DNAH11: variants seen among roughly 807,000 people sequenced by gnomAD.
DNAH11 encodes the protein axonemal beta dynein heavy chain 11.
DNAH11 carries 442 observed loss-of-function variants against 526.0 expected under a neutral mutation model. That is an observed-to-expected ratio of 0.84 (90% CI 0.78 to 0.91). The LOEUF (loss-of-function observed/expected upper bound fraction) is 0.91. DNAH11 is among the 40% of genes least tolerant of loss of function. The pLI is 0.00. For synonymous variants in DNAH11, 2,461 were observed against 1,935.9 expected, an observed-to-expected ratio of 1.27 and a Z score of -7.12; for missense variants, 6,989 against 5,448.7, an observed-to-expected ratio of 1.28 and a Z score of -8.90.
At chr7:21,566,417 A>G (rs1783668337) in intron 6 of DNAH11, among the ~76,000 whole-genome samples, 1 of 152,308 alleles carries the variant, frequency 6.6e-6, no homozygotes, top group East Asian at 1.9e-4. Flanking sequence ...GCCAATGTCC[A>G]TAGCTGGTTC....
In DNAH11 at chr7:21,861,998, C is replaced by A. The variant is rs749689222; in HGVS notation, c.11348C>A (p.Thr3783Asn). 1 of 1,612,882 alleles carries A rather than the reference C, an allele frequency of 6.2e-7. No individual in the cohort carries two copies. Among genetic ancestry groups the A allele is most frequent in the Non-Finnish European group, 8.5e-7 (1 of 1,179,444 alleles). The change falls in exon 69 of 82, where the codon ACC (threonine) becomes AAC (asparagine). Residue 3783 changes from threonine to asparagine, a missense_variant. Thr to Asn is a moderately conservative substitution (Grantham distance 65). Coordinates refer to ENST00000409508, the MANE Select transcript of DNAH11 (RefSeq NM_001277115.2). ...SQALFEKDKL[T>N]FLSQMAFQIL... ...GCGCTGTTTGAGAAGGACAAGCTCA[C>A]CTTCCTGTCCCAGATGGCTTTTCAG...
In DNAH11 at chr7:21,625,103, G is replaced by A. The variant is rs77653884; in HGVS notation, c.4500+5025G>A. On this transcript the variant is annotated intron_variant, in intron 25 of 81. Transcript: ENST00000409508. ...AAGTTTTTTTGGAAGAGTTTGAGAA[G>A]GGTTAGTATTAGTTCTTCTTTAAAT... Among the ~76,000 whole-genome samples the A allele has an allele frequency of 2.8e-3, 424 of 152,152 alleles. 1 individual carries two copies. Among genetic ancestry groups the A allele is most frequent in the Middle Eastern group, 6.8e-3 (2 of 292 alleles).
chr7:21,833,367 G>T (rs1369278676), intron 65 of DNAH11, among the ~76,000 whole-genome samples: 1 of 152,152 alleles, frequency 6.6e-6, no homozygotes, highest in Non-Finnish European at 1.5e-5. Flanking sequence ...GGGGATGAAT[G>T]AATTCAACCC....
chr7:21,590,124 CAT>C (rs1784621126), intron 12 of DNAH11, among the ~76,000 whole-genome samples: 1 of 151,994 alleles, frequency 6.6e-6, no homozygotes, highest in South Asian at 2.1e-4. Context: ...AATTTCATTA[CAT>C]GTTATGTAAC....
At chr7:21,617,946 C>G (rs1182307485) in intron 23 of DNAH11, among the ~76,000 whole-genome samples, 169 bp downstream of exon 23, 2 of 152,140 alleles carry the variant, frequency 1.3e-5, no homozygotes, top group African/African-American at 4.8e-5. Flanking sequence ...CTGATCCGAC[C>G]AACAATTTAG....
In DNAH11 at chr7:21,687,366, T is replaced by A. The variant is rs529906077; in HGVS notation, c.5779-16T>A. 7.0e-5 allele frequency: 111 copies of A among 1,595,284 alleles called. 1 individual carries two copies. In the East Asian group the frequency reaches 2.4e-3, roughly 35 times the overall value. ...CCCCTTCTGTTAAATTCTGAGTGCC[T>A]CACTTTATCATTTAGTCCATAGGCA... On this transcript the variant is annotated splice_polypyrimidine_tract_variant and intron_variant, in intron 33 of 81. Transcript: ENST00000409508.
intron 66 of DNAH11, among the ~76,000 whole-genome samples, chr7:21,847,711 A>C (rs1374322746): frequency 6.6e-6 from 1 of 152,192 alleles, no homozygotes; most frequent in Non-Finnish European, 1.5e-5. Flanking sequence ...CAGTTCGACT[A>C]TATCCTTGCT....
At chr7:21,712,819 G>T (rs1169104780) in intron 42 of DNAH11, among the ~76,000 whole-genome samples, 1 of 152,116 alleles carries the variant, frequency 6.6e-6, no homozygotes, top group Non-Finnish European at 1.5e-5. Flanking sequence ...TACATTTAAG[G>T]CTAACTAATT....
chr7:21,566,947 C>T (rs1033351144), intron 6 of DNAH11, among the ~76,000 whole-genome samples: 1 of 152,124 alleles, frequency 6.6e-6, no homozygotes, highest in Non-Finnish European at 1.5e-5. Flanking sequence ...ATGTAAGTTG[C>T]TTCCAGCCTC....
intron 68 of DNAH11, 70 bp downstream of exon 68, chr7:21,854,525 T>C: frequency 9.4e-6 from 13 of 1,387,106 alleles, no homozygotes; most frequent in Non-Finnish European, 1.3e-5. Context: ...CATTGGAATT[T>C]ATTTTATTAT....
intron 66 of DNAH11, among the ~76,000 whole-genome samples, chr7:21,847,461 GTGT>G (rs1458543184): frequency 6.6e-6 from 1 of 152,108 alleles, no homozygotes; most frequent in East Asian, 1.9e-4. Context: ...ATTTTAAACT[GTGT>G]TGTTTAATCT....
chr7:21,748,545 G>A (rs767040686), intron 51 of DNAH11, 35 bp from the exon 52 acceptor site: 48 of 1,437,580 alleles, frequency 3.3e-5, no homozygotes, highest in Non-Finnish European at 4.0e-5. Context: ...GGGCATTTTC[G>A]ATTTTGTGCC....
intron 61 of DNAH11, 66 bp from the exon 62 acceptor site, chr7:21,801,071 T>A (rs1334333974): frequency 6.6e-7 from 1 of 1,519,232 alleles, no homozygotes; most frequent in East Asian, 2.4e-5. Context: ...ACAGATGTTT[T>A]AAGATGATGG....
chr7:21,735,975 A>G (rs1405010542), intron 46 of DNAH11, 131 bp downstream of exon 46: 3 of 864,668 alleles, frequency 3.5e-6, no homozygotes, highest in Non-Finnish European at 3.4e-6. Flanking sequence ...ATGAATTTGT[A>G]CTTATCATCC....
In DNAH11 at chr7:21,778,979, C is replaced by G. The variant is rs1230257118; in HGVS notation, c.9358C>G (p.Leu3120Val). The stretch of plus-strand genomic sequence containing the variant: ...TTAGGTGGGAGATCTAAAAGCCAGA[C>G]TTGCCTCTCAAGAAGCCGAGCTGCA... ...ASQVGDLKAR[L>V]ASQEAELQLR... Residue 3120 changes from leucine to valine, a missense_variant, in exon 57 of 82, where the codon CTT becomes GTT. By Grantham distance (32) the Leu-to-Val change is conservative. Coordinates refer to ENST00000409508, the MANE Select transcript of DNAH11 (RefSeq NM_001277115.2). 1.9e-6 allele frequency: 3 copies of G among 1,613,200 alleles called. No homozygotes were observed. The highest frequency in any genetic ancestry group is 1.1e-5 in the South Asian group (1 of 91,012).
chr7:21,850,676 C>T (rs926972768), intron 66 of DNAH11, among the ~76,000 whole-genome samples: 6 of 137,634 alleles, frequency 4.4e-5, no homozygotes, highest in African/African-American at 8.1e-5. Context: ...ACCTTGAAAA[C>T]CAGACATGAT....
intron 14 of DNAH11, among the ~76,000 whole-genome samples, chr7:21,593,880 C>G (rs1055793644): frequency 6.6e-6 from 1 of 151,982 alleles, no homozygotes; most frequent in Non-Finnish European, 1.5e-5. Flanking sequence ...ACCCCCTCCC[C>G]TGCCCCTGCT....
At chr7:21,667,261 T>C (rs1182320506) in intron 30 of DNAH11, among the ~76,000 whole-genome samples, 1 of 152,034 alleles carries the variant, frequency 6.6e-6, no homozygotes, top group Non-Finnish European at 1.5e-5. Context: ...AAGTGAGCCA[T>C]TTATAGAGGG....
chr7:21,662,307 C>T (rs1396906069), intron 30 of DNAH11, among the ~76,000 whole-genome samples: 1 of 152,080 alleles, frequency 6.6e-6, no homozygotes, highest in Non-Finnish European at 1.5e-5. Context: ...AATTTTGTAA[C>T]ATGTGTGCCT....
Sources: allele counts gnomAD v4.1 joint callset (sites outside exome capture counted in the v4.1 genomes callset), GRCh38; gene constraint gnomAD v4.1.1; transcripts MANE v1.5; gene names NCBI Gene and HGNC (gene_info 2026-07-23, HGNC 2026-07-21).